Variants in EPB41 observed in about 807,000 individuals in gnomAD.
EPB41 encodes the protein erythrocyte membrane protein band 4.1.
EPB41 carries 65 observed loss-of-function variants against 108.0 expected under a neutral mutation model. That is an observed-to-expected ratio of 0.60 (90% CI 0.49 to 0.74). The LOEUF is 0.74. Ranked by LOEUF, EPB41 falls within the 30% of genes least tolerant of loss-of-function variation. The probability of loss-of-function intolerance (pLI) is 0.00; values close to 1 mark genes in which losing one functional copy is unlikely to be tolerated. For missense variants in EPB41, 875 were observed against 1,037.0 expected (o/e 0.84, Z 2.15); for synonymous variants, 336 against 358.9 (o/e 0.94, Z 0.72).
chr1:28,947,655 G>A (rs1557774034), intron 1 of EPB41, among the ~76,000 whole-genome samples: 1 of 150,862 alleles, frequency 6.6e-6, no homozygotes, highest in Non-Finnish European at 1.5e-5. Flanking sequence ...GATGAAACCT[G>A]TCTCTATCAA....
chr1:29,116,210 G>A (rs1309273911), intron 20 of EPB41, among the ~76,000 whole-genome samples: 1 of 142,506 alleles, frequency 7.0e-6, no homozygotes, highest in African/African-American at 2.6e-5. Flanking sequence ...TGAGTGCAGT[G>A]GCATGATCTT....
rs1005594431 is a variant in EPB41 at position 29,069,571 on chromosome 1, A to G, written c.2184+4413A>G. 2.2e-4 allele frequency: 103 copies of G among 466,214 alleles called. 1 individual carries two copies. Among genetic ancestry groups the G allele is most frequent in the Non-Finnish European group, 2.8e-4 (95 of 335,646 alleles). The allele number at this position is 466,214 out of a possible 1,614,324, so 28.9% of individuals were successfully genotyped here. A position where few individuals can be genotyped will look rare whatever the true frequency, so the allele number is the denominator to read the frequency against. On this transcript the variant is annotated intron_variant, in intron 16 of 20. Transcript: ENST00000343067. ...ATTTCTGGAGCAAAAACTAATTGCT[A>G]TACTGAATGAACTGTTGCTTTTAAA...
intron 11 of EPB41, among the ~76,000 whole-genome samples, chr1:29,046,023 T>G (rs1241717716): frequency 1.3e-5 from 2 of 151,926 alleles, no homozygotes; most frequent in African/African-American, 4.8e-5. Context: ...TATCCTAAAT[T>G]TTTTATTTTT....
At chr1:29,100,866 C>A (rs1248449560) in intron 17 of EPB41, among the ~76,000 whole-genome samples, 1 of 149,956 alleles carries the variant, frequency 6.7e-6, no homozygotes, top group African/African-American at 2.5e-5. Flanking sequence ...GTGTTCAAGG[C>A]TACAGTGAGC....
At chr1:28,912,453 ACAATT>A (rs1272223462), upstream of EPB41, among the ~76,000 whole-genome samples, 6 of 152,268 alleles carry the variant, frequency 3.9e-5, no homozygotes, top group East Asian at 1.2e-3. Context: ...AGTGCTAACA[ACAATT>A]GCATGCTTAA....
At chr1:29,066,236 T>A (rs1252985912) in intron 16 of EPB41, among the ~76,000 whole-genome samples, 1 of 151,946 alleles carries the variant, frequency 6.6e-6, no homozygotes, top group African/African-American at 2.4e-5. Flanking sequence ...CTGGCCAGCA[T>A]GGTGAAACCC....
At chr1:28,905,357 C>T (rs1291989582) in intron 1 of EPB41, among the ~76,000 whole-genome samples, 1 of 151,392 alleles carries the variant, frequency 6.6e-6, no homozygotes, top group Non-Finnish European at 1.5e-5. Context: ...ATCAGCCGGG[C>T]CTGGTGGTAC....
chr1:28,902,677 CT>C, intron 1 of EPB41, among the ~76,000 whole-genome samples: 1 of 152,294 alleles, frequency 6.6e-6, no homozygotes, highest in South Asian at 2.1e-4. Flanking sequence ...TTCGTCACAC[CT>C]TCAGGGGAGC....
At chr1:29,048,795 T>G (rs1275307624) in intron 11 of EPB41, among the ~76,000 whole-genome samples, 1 of 150,950 alleles carries the variant, frequency 6.6e-6, no homozygotes, top group Non-Finnish European at 1.5e-5. Context: ...GTTCTATCTT[T>G]TAAGTATCTG....
chr1:29,070,830 G>A (rs1372268918), intron 16 of EPB41: 1 of 608,586 alleles, frequency 1.6e-6, no homozygotes, highest in Non-Finnish European at 2.4e-6. Flanking sequence ...CAGCTTTTCT[G>A]CATTGAAGTT....
At chr1:28,955,677 G>C (rs563298351) in intron 1 of EPB41, among the ~76,000 whole-genome samples, 1 of 151,946 alleles carries the variant, frequency 6.6e-6, no homozygotes, top group African/African-American at 2.4e-5. Flanking sequence ...ACTGTCCTCC[G>C]TTTACTGAGT....
At chr1:28,951,162 G>A (rs911265822) in intron 1 of EPB41, among the ~76,000 whole-genome samples, 1 of 152,120 alleles carries the variant, frequency 6.6e-6, no homozygotes, top group Non-Finnish European at 1.5e-5. Flanking sequence ...AAGGCCAGGT[G>A]AAGATATATA....
chr1:28,935,293 G>A (rs1468562176), intron 1 of EPB41, among the ~76,000 whole-genome samples: 3 of 151,452 alleles, frequency 2.0e-5, no homozygotes, highest in Admixed American at 6.6e-5. Context: ...AAGTTAGCCC[G>A]GTGCTGTGGT....
chr1:29,059,001 G>T (rs898138926), intron 14 of EPB41, 149 bp downstream of exon 14: 1 of 814,638 alleles, frequency 1.2e-6, no homozygotes, highest in Non-Finnish European at 2.0e-6. Flanking sequence ...TGGGCCAGGA[G>T]CATTGGCTCA....
chr1:28,952,833 A>C (rs573632376), intron 1 of EPB41, among the ~76,000 whole-genome samples: 2 of 152,132 alleles, frequency 1.3e-5, no homozygotes, highest in Admixed American at 6.5e-5. Flanking sequence ...GAAGCTAGAG[A>C]TTTAACTTGT....
At chr1:29,026,436 A>G (rs758282449) in intron 7 of EPB41, among the ~76,000 whole-genome samples, 26 of 152,196 alleles carry the variant, frequency 1.7e-4, no homozygotes, top group Non-Finnish European at 3.1e-4. Context: ...ACATACTCTA[A>G]CTCTACATTG....
At chr1:28,971,166 T>C (rs1249081101) in intron 1 of EPB41, among the ~76,000 whole-genome samples, 1 of 136,886 alleles carries the variant, frequency 7.3e-6, no homozygotes, top group Admixed American at 7.8e-5. Flanking sequence ...TCTTTTTTTT[T>C]TCTTTCTTTC....
intron 16 of EPB41, among the ~76,000 whole-genome samples, chr1:29,080,422 T>C (rs1031732663): frequency 6.0e-5 from 9 of 151,192 alleles, no homozygotes; most frequent in African/African-American, 1.2e-4. Flanking sequence ...TTTTTTTTTT[T>C]TTTTGAGACA....
intron 9 of EPB41, among the ~76,000 whole-genome samples, chr1:29,033,830 A>C (rs1370754455): frequency 6.6e-6 from 1 of 152,198 alleles, no homozygotes; most frequent in Non-Finnish European, 1.5e-5. Context: ...TTTAAGTAGG[A>C]ATTAAAGTTT....
Sources: allele counts gnomAD v4.1 joint callset (sites outside exome capture counted in the v4.1 genomes callset), GRCh38; gene constraint gnomAD v4.1.1; transcripts MANE v1.5; gene names NCBI Gene and HGNC (gene_info 2026-07-23, HGNC 2026-07-21).